The following PRPF31 variants were observed in gnomAD, a reference collection of about 807,000 sequenced individuals.
The protein encoded by PRPF31 is U4/U6 small nuclear ribonucleoprotein Prp31.
In PRPF31, 12 loss-of-function variants were observed where a neutral mutation model predicts 60.4. That is an observed-to-expected ratio of 0.20 (90% CI 0.13 to 0.32). PRPF31 has a LOEUF of 0.32. PRPF31 is among the 10% of genes least tolerant of loss of function. The pLI is 1.00. For synonymous variants in PRPF31, 287 were observed against 287.9 expected (o/e 1.00, Z 0.03); for missense variants, 431 against 687.1 (o/e 0.63, Z 4.17).
intron 4 of PRPF31, 38 bp downstream of exon 4, chr19:54,121,981 A>G: frequency 1.3e-6 from 2 of 1,567,970 alleles, no homozygotes; most frequent in Non-Finnish European, 1.7e-6. Context: ...GCCCCGTGTG[A>G]CGTCCCTCAC....
rs760999883 is a variant in PRPF31 at position 54,129,127 on chromosome 19, G to A, written c.1217G>A (p.Arg406His). The A allele has an allele frequency of 8.8e-6, 14 of 1,581,932 alleles. No individual in the cohort carries two copies. Among genetic ancestry groups the A allele is most frequent in the East Asian group, 2.3e-5 (1 of 43,748 alleles). Reference sequence around the variant, plus strand: ...CACCTGGGCAAGTCGGGCAGTGGGCGTGTGCGGCAGACACAGGTAAACGAG... The same window carrying A: ...CACCTGGGCAAGTCGGGCAGTGGGCATGTGCGGCAGACACAGGTAAACGAG... ...LGHLGKSGSG[R>H]VRQTQVNEAT... Residue 406 changes from arginine (R) to histidine (H), a missense_variant, in exon 12 of 14, where the codon CGT becomes CAT. By Grantham distance (29) the Arg-to-His change is conservative (BLOSUM62 0). Around this residue, in one of 4 missense-constraint regions of PRPF31, gnomAD observed 314 missense variants for 475.3 expected, o/e 0.66. Transcript: ENST00000321030.
intron 8 of PRPF31, among the ~76,000 whole-genome samples, chr19:54,125,586 G>A (rs2073901874): frequency 6.6e-6 from 1 of 152,090 alleles, no homozygotes; most frequent in Admixed American, 6.5e-5. Flanking sequence ...GTTACCTCAG[G>A]CTCACGGCCC....
rs587764450 is a variant in PRPF31 at position 54,123,884 on chromosome 19, C to T, written c.663C>T (p.Ile221=). Residue 221 remains isoleucine (I), a synonymous_variant, in exon 7 of 14, where the codon ATC becomes ATT. Transcript: ENST00000321030. ...RMSFIAPNLS[I]IIGASTAAKI... Reference sequence around the variant, plus strand: ...CCTTCATCGCACCCAACCTGTCCATCATTATCGGGGCATCCACGGCCGCCA... The same window carrying T: ...CCTTCATCGCACCCAACCTGTCCATTATTATCGGGGCATCCACGGCCGCCA... 2 of 1,614,040 alleles carry T rather than the reference C, an allele frequency of 1.2e-6. No individual in the cohort carries two copies. The highest frequency in any genetic ancestry group is 1.1e-5 in the South Asian group (1 of 91,086).
chr19:54,121,871 G>A lies in PRPF31; in HGVS notation c.250G>A (p.Val84Met). 6.2e-7 allele frequency: 1 copy of A among 1,611,746 alleles called. No homozygotes were observed. The highest frequency in any genetic ancestry group is 8.5e-7 in the Non-Finnish European group (1 of 1,179,070). The change falls in exon 4 of 14, where the codon GTG (valine) becomes ATG (methionine). Residue 84 changes from valine (V) to methionine (M), a missense_variant. By Grantham distance (21) the Val-to-Met change is conservative (BLOSUM62 1). Around this residue, in one of 4 missense-constraint regions of PRPF31, gnomAD observed 113 missense variants for 173.8 expected, o/e 0.65. Coordinates refer to ENST00000321030, the MANE Select transcript of PRPF31 (RefSeq NM_015629.4). ...CCGTGTCCTCACAGTGATGGGACCAGTGGAGGCCGCGCCTGAATACCGCGT... is the reference window on the plus strand; with the variant it reads ...CCGTGTCCTCACAGTGATGGGACCAATGGAGGCCGCGCCTGAATACCGCGT... ...QAKASEVMGP[V>M]EAAPEYRVIV...
Position 54,124,524 on chromosome 19 carries a change from C to T in PRPF31, c.723C>T (p.Leu241=). Residue 241 remains leucine, a synonymous_variant, in exon 8 of 14, where the codon CTC becomes CTT. Coordinates refer to ENST00000321030, the MANE Select transcript of PRPF31 (RefSeq NM_015629.4). Reference sequence around the variant, plus strand: ...GTGTGGCCGGCGGCCTGACCAACCTCTCCAAGATGCCCGCCTGCAACATCA... The same window carrying T: ...GTGTGGCCGGCGGCCTGACCAACCTTTCCAAGATGCCCGCCTGCAACATCA... ...IMGVAGGLTN[L]SKMPACNIML... is the part of the protein sequence containing the mutation. 6.2e-7 allele frequency: 1 copy of T among 1,610,146 alleles called. No homozygotes were observed. The highest frequency in any genetic ancestry group is 8.5e-7 in the Non-Finnish European group (1 of 1,179,592).
In PRPF31 at chr19:54,128,507, C is replaced by A. The variant is rs587632587; in HGVS notation, c.1146+130C>A. On this transcript the variant is annotated intron_variant, in intron 11 of 13. Coordinates refer to ENST00000321030, the MANE Select transcript of PRPF31 (RefSeq NM_015629.4). Reference sequence around the variant, plus strand: ...TCTAGGGCGCTGCCCCAGCCTCCCCCCCCCCGGCCTCTATTCTCGTTTCCA... The same window carrying A: ...TCTAGGGCGCTGCCCCAGCCTCCCCACCCCCGGCCTCTATTCTCGTTTCCA... 5.9e-3 allele frequency: 5,622 copies of A among 946,652 alleles called. 44 individuals carry two copies. The highest frequency in any genetic ancestry group is 0.013 in the Middle Eastern group (41 of 3,122). 58.6% of individuals were successfully genotyped at this position (946,652 alleles called of 1,614,324 possible).
intron 1 of PRPF31, among the ~76,000 whole-genome samples, chr19:54,116,352 G>A (rs999087291): frequency 6.6e-6 from 1 of 151,102 alleles, no homozygotes; most frequent in Non-Finnish European, 1.5e-5. Context: ...TTACAGGCGC[G>A]CACCACCACG....
chr19:54,123,151 C>G lies in PRPF31; in HGVS notation c.421-303C>G, dbSNP rs898772811. 1.3e-5 allele frequency: 7 copies of G among 547,982 alleles called. No homozygotes were observed. The African/African-American group carries it at 1.3e-4, about 10-fold the overall frequency. The allele number at this position is 547,982 out of a possible 1,614,324, so 33.9% of individuals were successfully genotyped here. On this transcript the variant is annotated intron_variant, in intron 5 of 13. Coordinates refer to ENST00000321030, the MANE Select transcript of PRPF31 (RefSeq NM_015629.4). ...AAGCCCCTGCAGGGAAGCGAGGCCG[C>G]GGATTTGCACTCCGACTTGACGCAG...
Position 54,118,612 on chromosome 19 carries a change from A to G in PRPF31, c.217A>G (p.Lys73Glu), listed in dbSNP as rs2073709795. The change falls in exon 3 of 14, where the codon AAG becomes GAG. Residue 73 changes from lysine to glutamate, a missense_variant. Physicochemically the swap from Lys to Glu is moderately conservative, Grantham distance 56. Around this residue, in one of 4 missense-constraint regions of PRPF31, gnomAD observed 113 missense variants for 173.8 expected, o/e 0.65. Transcript: ENST00000321030. Reference protein sequence around the residue: ...IMMKIEEYISKQAKASEVMGP... With the variant: ...IMMKIEEYISEQAKASEVMGP... Reference sequence around the variant, plus strand: ...GATGAAGATTGAGGAGTATATCAGCAAGCAAGCCAAAGCTTCAGAAGGTGC... The same window carrying G: ...GATGAAGATTGAGGAGTATATCAGCGAGCAAGCCAAAGCTTCAGAAGGTGC... 2 of 1,614,100 alleles carry G rather than the reference A, an allele frequency of 1.2e-6. No homozygotes were observed. Among genetic ancestry groups the G allele is most frequent in the East Asian group, 4.5e-5 (2 of 44,868 alleles).
rs886054617 is a variant in PRPF31 at position 54,115,774 on chromosome 19, A to C, written c.-32A>C. On this transcript the variant is annotated 5_prime_UTR_variant, in exon 1 of 14. Coordinates refer to ENST00000321030, the MANE Select transcript of PRPF31 (RefSeq NM_015629.4). ...TCATCGGTGAGCGACTAACGCTAGA[A>C]ACAGTGGTGCGCGGAGAGGAGAGGT... 3.6e-5 allele frequency: 9 copies of C among 251,296 alleles called. No homozygotes were observed. Among genetic ancestry groups the C allele is most frequent in the Non-Finnish European group, 5.5e-5 (7 of 127,744 alleles). The allele number at this position is 251,296 out of a possible 1,614,324, so 15.6% of individuals were successfully genotyped here. A position where few individuals can be genotyped will look rare whatever the true frequency, so the allele number is the denominator to read the frequency against.
chr19:54,115,756 T>C lies in PRPF31; in HGVS notation c.-50T>C. ...CGGCGCGAGAGTGAGACGTCATCGG[T>C]GAGCGACTAACGCTAGAAACAGTGG... On this transcript the variant is annotated 5_prime_UTR_variant, in exon 1 of 14. Coordinates refer to ENST00000321030, the MANE Select transcript of PRPF31 (RefSeq NM_015629.4). 7.6e-6 allele frequency: 2 copies of C among 261,916 alleles called. No individual in the cohort carries two copies. Among genetic ancestry groups the C allele is most frequent in the Non-Finnish European group, 1.5e-5 (2 of 134,110 alleles). The allele number at this position is 261,916 out of a possible 1,614,324, so 16.2% of individuals were successfully genotyped here.
chr19:54,124,970 A>G, intron 8 of PRPF31: 1 of 521,694 alleles, frequency 1.9e-6, no homozygotes, highest in East Asian at 3.4e-5. Context: ...GTTCAGGCCT[A>G]GCTCACGACA....
Position 54,118,614 on chromosome 19 carries a change from G to T in PRPF31, c.219G>T (p.Lys73Asn). Residue 73 changes from lysine (K) to asparagine (N), a missense_variant, in exon 3 of 14, where the codon AAG becomes AAT. Physicochemically the swap from Lys to Asn is moderately conservative, Grantham distance 94 (BLOSUM62 0). Around this residue, in one of 4 missense-constraint regions of PRPF31, gnomAD observed 113 missense variants for 173.8 expected, o/e 0.65. Coordinates refer to ENST00000321030, the MANE Select transcript of PRPF31 (RefSeq NM_015629.4). ...IMMKIEEYIS[K>N]QAKASEVMGP... Reference sequence around the variant, plus strand: ...TGAAGATTGAGGAGTATATCAGCAAGCAAGCCAAAGCTTCAGAAGGTGCTT... The same window carrying T: ...TGAAGATTGAGGAGTATATCAGCAATCAAGCCAAAGCTTCAGAAGGTGCTT... 1 of 1,614,126 alleles carries T rather than the reference G, an allele frequency of 6.2e-7. No homozygotes were observed. Among genetic ancestry groups the T allele is most frequent in the Non-Finnish European group, 8.5e-7 (1 of 1,180,034 alleles).
chr19:54,120,600 C>T (rs2073761840), intron 3 of PRPF31, among the ~76,000 whole-genome samples: 2 of 152,152 alleles, frequency 1.3e-5, no homozygotes. Flanking sequence ...GACTTTTAAA[C>T]ACAACATCTT....
At chr19:54,121,789 T>C in intron 3 of PRPF31, 71 bp from the exon 4 acceptor site, 5 of 1,447,350 alleles carry the variant, frequency 3.5e-6, no homozygotes, top group Non-Finnish European at 3.8e-6. Flanking sequence ...ATCCTCCGCC[T>C]CCTCCAGCTG....
At chr19:54,122,975 G>A (rs1027304586) in intron 5 of PRPF31, 6 of 464,544 alleles carry the variant, frequency 1.3e-5, no homozygotes, top group African/African-American at 7.9e-5. Flanking sequence ...GGGGAAGGAG[G>A]GGACGGGGAA....
In PRPF31 at chr19:54,118,405, C is replaced by T. The variant is rs1248896664; in HGVS notation, c.127C>T (p.Leu43Phe). The change falls in exon 2 of 14, where the codon CTT becomes TTT. Residue 43 changes from leucine (L) to phenylalanine (F), a missense_variant. Physicochemically the swap from Leu to Phe is conservative, Grantham distance 22. Around this residue, in one of 4 missense-constraint regions of PRPF31, gnomAD observed 113 missense variants for 173.8 expected, o/e 0.65. Coordinates refer to ENST00000321030, the MANE Select transcript of PRPF31 (RefSeq NM_015629.4). ...EDVQEETQLD[L>F]SGDSVKTIAK... ...TGTGCAGGAGGAGACACAGCTGGAT[C>T]TTTCCGGGGATTCAGTCAAGACCAT... 1 of 1,614,130 alleles carries T rather than the reference C, an allele frequency of 6.2e-7. No homozygotes were observed. The highest frequency in any genetic ancestry group is 8.5e-7 in the Non-Finnish European group (1 of 1,180,018).
rs1315436469 is a variant in PRPF31 at position 54,129,255 on chromosome 19, C to T, written c.1276-17C>T. On this transcript the variant is annotated splice_polypyrimidine_tract_variant and intron_variant, in intron 12 of 13. Transcript: ENST00000321030. ...GTGGGGGGAGCCCAGATCGCAGCCT[C>T]CCTGTCCTCCCCACAGCGGACCCTG... The T allele has an allele frequency of 2.5e-6, 4 of 1,609,216 alleles. No individual in the cohort carries two copies. The highest frequency in any genetic ancestry group is 3.4e-6 in the Non-Finnish European group (4 of 1,178,526).
Position 54,121,800 on chromosome 19 carries a change from C to T in PRPF31, c.239-60C>T, listed in dbSNP as rs1208763238. The T allele has an allele frequency of 5.0e-5, 75 of 1,502,422 alleles. 1 individual carries two copies. Among genetic ancestry groups the T allele is most frequent in the African/African-American group, 1.2e-4 (9 of 72,292 alleles). 93.1% of individuals were successfully genotyped at this position (1,502,422 alleles called of 1,614,324 possible). On this transcript the variant is annotated intron_variant, in intron 3 of 13. Transcript: ENST00000321030. ...CTTCATCCTCCGCCTCCTCCAGCTG[C>T]GGGACCCGAGAGGGGGTAGGGATTT...
Sources: allele counts gnomAD v4.1 joint callset (sites outside exome capture counted in the v4.1 genomes callset), GRCh38; gene constraint gnomAD v4.1.1; regional missense constraint gnomAD v4.1.1; transcripts MANE v1.5; gene names NCBI Gene and HGNC (gene_info 2026-07-23, HGNC 2026-07-21).